NPHP4: variants seen among roughly 807,000 people sequenced by gnomAD.
NPHP4 encodes the protein nephrocystin 4.
In NPHP4, 151 loss-of-function variants were observed where a neutral mutation model predicts 155.8. The ratio of observed to expected loss-of-function variants is 0.97; its 90% confidence interval spans 0.85 to 1.11. NPHP4 has a LOEUF of 1.11. Ranked by LOEUF, NPHP4 falls within the 50% of genes least tolerant of loss-of-function variation. The probability of loss-of-function intolerance (pLI) is 0.00; values close to 1 mark genes in which losing one functional copy is unlikely to be tolerated. For synonymous variants in NPHP4, 845 were observed against 816.8 expected (o/e 1.03, Z -0.59); for missense variants, 1,956 against 1,925.7 (o/e 1.02, Z -0.29).
At chr1:5,898,186 G>T (rs995108108) in intron 16 of NPHP4, among the ~76,000 whole-genome samples, 6 of 152,154 alleles carry the variant, frequency 3.9e-5, no homozygotes, top group African/African-American at 1.4e-4. Context: ...CACTGAGGAG[G>T]GCCCCCACAA....
chr1:5,863,174 T>G lies in NPHP4; in HGVS notation c.*91A>C. 7.0e-7 allele frequency: 1 copy of G among 1,418,654 alleles called. No homozygotes were observed. Among genetic ancestry groups the G allele is most frequent in the East Asian group, 2.3e-5 (1 of 43,906 alleles). The allele number at this position is 1,418,654 out of a possible 1,614,324, so 87.9% of individuals were successfully genotyped here. Reference sequence around the variant, plus strand: ...CCAGGTGGGCACTGAAGTGAAAGGCTGCAGAGAGGCGGGGAGGACAGCCTG... The same window carrying G: ...CCAGGTGGGCACTGAAGTGAAAGGCGGCAGAGAGGCGGGGAGGACAGCCTG... On this transcript the variant is annotated 3_prime_UTR_variant, in exon 30 of 30. Transcript: ENST00000378156.
At position 5,927,678 on chromosome 1, in the gene NPHP4, G is replaced by A; in HGVS notation, c.1412C>T (p.Pro471Leu). ...PVSGPKVERR[P>L]SRKPPTSPSS... ...AGGGGACGTGGGTGGTTTCCTGGAA[G>A]GCCGCCGCTCCACTTTGGGGCCACT... is the stretch of plus-strand genomic sequence containing the variant. The change falls in exon 11 of 30, where the codon CCT becomes CTT. Residue 471 changes from proline (P) to leucine (L), a missense_variant. Pro to Leu is a moderately conservative substitution (Grantham distance 98). Coordinates refer to ENST00000378156, the MANE Select transcript of NPHP4 (RefSeq NM_015102.5). 6.2e-7 allele frequency: 1 copy of A among 1,612,310 alleles called. No homozygotes were observed. Among genetic ancestry groups the A allele is most frequent in the South Asian group, 1.1e-5 (1 of 91,050 alleles).
intron 2 of NPHP4, among the ~76,000 whole-genome samples, chr1:5,978,938 A>C (rs1379537298): frequency 6.6e-6 from 1 of 152,186 alleles, no homozygotes; most frequent in African/African-American, 2.4e-5. Flanking sequence ...TCAACTTCCC[A>C]GATTTTGGGG....
At chr1:5,874,772 C>T (rs575892605) in intron 21 of NPHP4, 102 bp downstream of exon 21, 79 of 1,513,790 alleles carry the variant, frequency 5.2e-5, no homozygotes, top group African/African-American at 2.5e-4. Context: ...GAAGTCAAAT[C>T]GCCCCGGCTC....
Position 5,923,619 on chromosome 1 carries a change from A to G in NPHP4, c.1441+4030T>C, listed in dbSNP as rs561626484. ...AGACATAGCGCTGTTCCCTCCAGCC[A>G]CCTGGTAATCCTCATTCTTCATGGG... On this transcript the variant is annotated intron_variant, in intron 11 of 29. Coordinates refer to ENST00000378156, the MANE Select transcript of NPHP4 (RefSeq NM_015102.5). 3.3e-5 allele frequency among the ~76,000 whole-genome samples: 5 copies of G among 152,332 alleles called. No individual in the cohort carries two copies. In the South Asian group the frequency reaches 1.0e-3, roughly 32 times the overall value.
At chr1:5,937,622 C>T (rs72630630) in intron 9 of NPHP4, among the ~76,000 whole-genome samples, 21,731 of 152,134 alleles carry the variant, frequency 0.14, 1,860 homozygotes, top group Non-Finnish European at 0.2. Context: ...TGGGTAATGA[C>T]AGGGTGGGGT....
intron 1 of NPHP4, among the ~76,000 whole-genome samples, chr1:5,991,817 C>A (rs1232537263): frequency 2.6e-5 from 4 of 151,874 alleles, no homozygotes; most frequent in Non-Finnish European, 5.9e-5. Flanking sequence ...CAGGCGGGGT[C>A]CGCGGACTCC....
At chr1:5,967,838 T>G (rs1651814719) in intron 4 of NPHP4, among the ~76,000 whole-genome samples, 1 of 151,852 alleles carries the variant, frequency 6.6e-6, no homozygotes, top group African/African-American at 2.4e-5. Context: ...CTGATAAACA[T>G]CCTACAGCAC....
chr1:5,991,907 G>A (rs1656399532), intron 1 of NPHP4, among the ~76,000 whole-genome samples: 1 of 140,954 alleles, frequency 7.1e-6, no homozygotes, highest in Admixed American at 6.8e-5. Context: ...TTCAGCCGAG[G>A]GGCTGCAGAG....
At chr1:5,971,917 C>T (rs1205140697) in intron 3 of NPHP4, among the ~76,000 whole-genome samples, 2 of 152,266 alleles carry the variant, frequency 1.3e-5, no homozygotes, top group African/African-American at 4.8e-5. Context: ...AAGTTTCCTC[C>T]TTGACAGCAT....
intron 16 of NPHP4, among the ~76,000 whole-genome samples, chr1:5,902,590 C>G (rs951335174): frequency 6.6e-6 from 1 of 152,018 alleles, no homozygotes; most frequent in African/African-American, 2.4e-5. Flanking sequence ...AGCATTTACA[C>G]TTATCAAATT....
chr1:5,976,943 A>G (rs1176436276), intron 3 of NPHP4, among the ~76,000 whole-genome samples: 1 of 152,052 alleles, frequency 6.6e-6, no homozygotes, highest in African/African-American at 2.4e-5. Flanking sequence ...GTCTCAAAGG[A>G]CGGCCACTGT....
chr1:5,952,175 T>C (rs553816811), intron 7 of NPHP4, among the ~76,000 whole-genome samples: 2 of 152,194 alleles, frequency 1.3e-5, no homozygotes, highest in African/African-American at 4.8e-5. Context: ...ACAGTGAGTC[T>C]GGGGGCGCCT....
intron 11 of NPHP4, among the ~76,000 whole-genome samples, chr1:5,922,856 G>A (rs372869757): frequency 5.3e-5 from 8 of 151,694 alleles, no homozygotes; most frequent in African/African-American, 9.7e-5. Flanking sequence ...TGGCTTAGCC[G>A]GGCACGGTGG....
At chr1:5,990,568 G>T (rs147147783) in intron 1 of NPHP4, among the ~76,000 whole-genome samples, 1 of 152,004 alleles carries the variant, frequency 6.6e-6, no homozygotes, top group Non-Finnish European at 1.5e-5. Context: ...CATCATTATC[G>T]CCATCTTACA....
intron 6 of NPHP4, among the ~76,000 whole-genome samples, chr1:5,958,710 T>G (rs1322407559): frequency 1.4e-5 from 2 of 144,734 alleles, no homozygotes; most frequent in African/African-American, 5.1e-5. Context: ...AAAAAAAAAA[T>G]TAGCCAGGCA....
intron 22 of NPHP4, among the ~76,000 whole-genome samples, chr1:5,874,042 CGCTCCCTGCACACAT>C (rs1041896309): frequency 1.9e-4 from 29 of 151,962 alleles, no homozygotes; most frequent in Non-Finnish European, 3.2e-4. Flanking sequence ...GCTGCACGCA[CGCTCCCTGCACACAT>C]GCTCCCTGCA....
At chr1:5,880,036 C>A (rs765386266) in intron 19 of NPHP4, 78 bp downstream of exon 19, 206 of 1,531,086 alleles carry the variant, frequency 1.3e-4, no homozygotes, top group Non-Finnish European at 1.7e-4. Context: ...CGCATGCACA[C>A]ACACACACAC....
rs544402763 is a variant in NPHP4 at position 5,961,888 on chromosome 1, C to T, written c.579G>A (p.Pro193=). ...CSLQYTLKPH[P]ALEPAFHLLP... ...GAAGGTGGAACGCAGGCTCCAGGGC[C>T]GGGTGTGGCTTCAGCGTGTACTGCA... Residue 193 remains proline (P), a synonymous_variant, in exon 6 of 30, where the codon CCG becomes CCA. Transcript: ENST00000378156. 20 of 1,613,736 alleles carry T rather than the reference C, an allele frequency of 1.2e-5. No homozygotes were observed. The highest frequency in any genetic ancestry group is 8.9e-5 in the East Asian group (4 of 44,868).
Sources: allele counts gnomAD v4.1 joint callset (sites outside exome capture counted in the v4.1 genomes callset), GRCh38; gene constraint gnomAD v4.1.1; transcripts MANE v1.5; gene names NCBI Gene and HGNC (gene_info 2026-07-23, HGNC 2026-07-21).